The following ARHGEF19 variants were observed in gnomAD, a reference collection of about 807,000 sequenced individuals.
The protein encoded by ARHGEF19 is Rho guanine nucleotide exchange factor 19, also known as Rho guanine nucleotide exchange factor (GEF) 19.
Under a neutral mutation model 87.6 loss-of-function variants are expected in ARHGEF19, and 92 were observed. The observed-to-expected ratio is 1.05, with a 90% CI of 0.89 to 1.25. The LOEUF is 1.25. ARHGEF19 is among the 50% of genes most tolerant of loss of function. ARHGEF19 has a pLI of 0.00. For synonymous variants in ARHGEF19, 438 were observed against 446.2 expected (o/e 0.98, Z 0.23); for missense variants, 1,054 against 1,051.8 (o/e 1.00, Z -0.03).
At chr1:16,202,385 C>A in intron 13 of ARHGEF19, 31 bp downstream of exon 13, 2 of 1,572,158 alleles carry the variant, frequency 1.3e-6, no homozygotes, top group Non-Finnish European at 1.7e-6. Flanking sequence ...GGAGGGGGAG[C>A]CTCCTCTCTC....
In ARHGEF19 at chr1:16,205,348, C is replaced by T; in HGVS notation, c.1656+3G>A. ...CAAGCAGCCCCTGCCCTGCCCAGCT[C>T]ACCTCCTTGAGCGCATTGAAGGCCT... On this transcript the variant is annotated splice_donor_region_variant and intron_variant, in intron 10 of 15. Coordinates refer to ENST00000270747, the MANE Select transcript of ARHGEF19 (RefSeq NM_153213.5). This position sits in a 1 kb window ranked among gnomAD's most constrained non-coding sequence, Gnocchi z 5.8. The T allele has an allele frequency of 1.9e-6, 3 of 1,613,888 alleles. No individual in the cohort carries two copies. The highest frequency in any genetic ancestry group is 2.5e-6 in the Non-Finnish European group (3 of 1,179,872).
intron 12 of ARHGEF19, among the ~76,000 whole-genome samples, chr1:16,203,612 C>T (rs922779873): frequency 3.3e-5 from 5 of 152,220 alleles, no homozygotes; most frequent in African/African-American, 9.7e-5. Context: ...AACATCCCAA[C>T]TTCCCTCTGC....
rs2081169014 is a variant in ARHGEF19, at chr1:16,208,701, A to G, written c.354T>C (p.Ser118=). ...GGCGCTGTGGCTGTGTGTGTCGGGG[A>G]CTCCAGGGTCCCTCCAGAGCTGGGG... ...AQPPALEGPW[S]PRHTQPQRRA... is the part of the protein sequence containing the mutation. Residue 118 remains serine, a synonymous_variant, in exon 2 of 16, where the codon AGT becomes AGC. Transcript: ENST00000270747. 1 of 1,606,328 alleles carries G rather than the reference A, an allele frequency of 6.2e-7. No homozygotes were observed. The highest frequency in any genetic ancestry group is 1.7e-5 in the Admixed American group (1 of 57,970).
In ARHGEF19 at chr1:16,207,985, C is replaced by A. The variant is rs150124398; in HGVS notation, c.653G>T (p.Arg218Leu). Residue 218 changes from arginine (R) to leucine (L), a missense_variant, in exon 3 of 16, where the codon CGG becomes CTG. Transcript: ENST00000270747. The surrounding 1 kb of genome is among the most constrained non-coding windows in gnomAD (Gnocchi z 4.0). ...GGTGCCTGACCCAGAGATGAGTGCC[C>A]GGGCTGCTGAATTCCGCCCCAGGCG... Reference protein sequence around the residue: ...SLRLGRNSAARALISGSGTGA... With the variant: ...SLRLGRNSAALALISGSGTGA... The A allele has an allele frequency of 4.3e-6, 7 of 1,612,368 alleles. No individual in the cohort carries two copies. In the African/African-American group the frequency reaches 8.0e-5, roughly 18 times the overall value.
rs1327648670 is a variant in ARHGEF19, at chr1:16,198,258, C to G, written c.*329G>C. The G allele has an allele frequency of 4.2e-5, 9 of 215,176 alleles. No individual in the cohort carries two copies. Among genetic ancestry groups the G allele is most frequent in the Non-Finnish European group, 8.2e-5 (9 of 109,962 alleles). The allele number at this position is 215,176 out of a possible 1,614,324, so 13.3% of individuals were successfully genotyped here. On this transcript the variant is annotated 3_prime_UTR_variant, in exon 16 of 16. Coordinates refer to ENST00000270747, the MANE Select transcript of ARHGEF19 (RefSeq NM_153213.5). This position sits in a 1 kb window ranked among gnomAD's most constrained non-coding sequence, Gnocchi z 4.1. ...CACCAGAACGTTCCCCAGCCAGGTC[C>G]CTGCCAGAAGGACCAAGAGTCAGGC...
Position 16,206,391 on chromosome 1 carries a change from A to T in ARHGEF19, c.1138-51T>A, listed in dbSNP as rs2081135446. 8 of 1,551,520 alleles carry T rather than the reference A, an allele frequency of 5.2e-6. No homozygotes were observed. In the South Asian group the frequency reaches 9.5e-5, roughly 18 times the overall value. ...AAAGGGCAGGACCAGTTCACCTCGGAGGCCCTGGCCTCACATCCCCAGACC... is the reference window on the plus strand; with the variant it reads ...AAAGGGCAGGACCAGTTCACCTCGGTGGCCCTGGCCTCACATCCCCAGACC... On this transcript the variant is annotated intron_variant, in intron 6 of 15. Coordinates refer to ENST00000270747, the MANE Select transcript of ARHGEF19 (RefSeq NM_153213.5). This position sits in a 1 kb window ranked among gnomAD's most constrained non-coding sequence, Gnocchi z 4.6.
In ARHGEF19 at chr1:16,201,789, C is replaced by T. The variant is rs113595914; in HGVS notation, c.2139G>A (p.Glu713=). The change falls in exon 14 of 16, where the codon GAG becomes GAA. Residue 713 remains glutamate, a synonymous_variant. Transcript: ENST00000270747. The part of the protein sequence containing the change: ...SPQEDKEVIS[E]GEDCPQVQCV... Reference sequence around the variant, plus strand: ...GCAGGGATGAGCTACTACCTTCCCCCTCACTGATGACCTCCTTGTCCTCCT... The same window carrying T: ...GCAGGGATGAGCTACTACCTTCCCCTTCACTGATGACCTCCTTGTCCTCCT... The T allele has an allele frequency of 1.9e-6, 3 of 1,613,598 alleles. No homozygotes were observed. Among genetic ancestry groups the T allele is most frequent in the East Asian group, 2.2e-5 (1 of 44,886 alleles).
In ARHGEF19 at chr1:16,207,733, C is replaced by G; in HGVS notation, c.739G>C (p.Asp247His). Residue 247 changes from aspartate (D) to histidine (H), a missense_variant, in exon 4 of 16, where the codon GAC (aspartate) becomes CAC (histidine). By Grantham distance (81) the Asp-to-His change is moderately conservative. Coordinates refer to ENST00000270747, the MANE Select transcript of ARHGEF19 (RefSeq NM_153213.5). The surrounding 1 kb of genome is among the most constrained non-coding windows in gnomAD (Gnocchi z 4.0). ...CCAGGGGCTGGCCGCGACACCCGGT[C>G]CCCGCTCATCTCTACACTTCGAGCC... ...MEARSVEMSG[D>H]RVSRPAPGDS... is the part of the protein sequence containing the mutation. The G allele has an allele frequency of 6.2e-7, 1 of 1,614,012 alleles. No individual in the cohort carries two copies. The highest frequency in any genetic ancestry group is 8.5e-7 in the Non-Finnish European group (1 of 1,180,028).
chr1:16,200,503 G>A (rs777922566), intron 14 of ARHGEF19, among the ~76,000 whole-genome samples: 2 of 152,188 alleles, frequency 1.3e-5, no homozygotes, highest in Non-Finnish European at 2.9e-5. Flanking sequence ...AGCACTTTGG[G>A]AGGCTGAGGC....
chr1:16,202,369 T>A (rs2081090761), intron 13 of ARHGEF19, 47 bp downstream of exon 13: 1 of 1,548,746 alleles, frequency 6.5e-7, no homozygotes, highest in African/African-American at 1.4e-5. Context: ...GGGGTGCCTG[T>A]CATGGGGAGG....
chr1:16,199,527 T>C (rs1389973691), intron 14 of ARHGEF19, among the ~76,000 whole-genome samples: 1 of 151,930 alleles, frequency 6.6e-6, no homozygotes, highest in Admixed American at 6.6e-5. Context: ...CCAAGGGCTG[T>C]CCCCTCCCCA....
At chr1:16,200,638 G>A (rs1193883364) in intron 14 of ARHGEF19, among the ~76,000 whole-genome samples, 2 of 152,208 alleles carry the variant, frequency 1.3e-5, no homozygotes, top group African/African-American at 4.8e-5. Flanking sequence ...CAGCTACTTG[G>A]GAGGCTGAGG....
Position 16,206,353 on chromosome 1 carries a change from A to T in ARHGEF19, c.1138-13T>A, listed in dbSNP as rs221051. The T allele has an allele frequency of 1.2e-3, 1,849 of 1,570,866 alleles. 21 individuals carry two copies. The African/African-American group carries it at 0.022, about 19-fold the overall frequency. On this transcript the variant is annotated splice_polypyrimidine_tract_variant and intron_variant, in intron 6 of 15. Coordinates refer to ENST00000270747, the MANE Select transcript of ARHGEF19 (RefSeq NM_153213.5). The surrounding 1 kb of genome is among the most constrained non-coding windows in gnomAD (Gnocchi z 4.6). Reference sequence around the variant, plus strand: ...GCTCAAACTTGGCCTGAGGGAGGGCACACACGGGGTCGAAAGGGCAGGACC... The same window carrying T: ...GCTCAAACTTGGCCTGAGGGAGGGCTCACACGGGGTCGAAAGGGCAGGACC...
intron 2 of ARHGEF19, 40 bp from the exon 3 acceptor site, chr1:16,208,265 C>G: frequency 1.3e-6 from 2 of 1,585,364 alleles, no homozygotes; most frequent in South Asian, 1.1e-5. Context: ...GGGCTGGGGT[C>G]TCCCCCAACC....
rs143314517 is a variant in ARHGEF19, at chr1:16,208,992, G to A, written c.63C>T (p.His21=). ...PHLTGPPGTA[H]HPVAVCQQES... ...CCTGCTGGCACACTGCTACAGGGTG[G>A]TGGGCAGTGCCAGGTGGCCCAGTCA... The change falls in exon 2 of 16, where the codon CAC becomes CAT. Residue 21 remains histidine (H), a synonymous_variant. Coordinates refer to ENST00000270747, the MANE Select transcript of ARHGEF19 (RefSeq NM_153213.5). 4 of 1,523,778 alleles carry A rather than the reference G, an allele frequency of 2.6e-6. No homozygotes were observed. The highest frequency in any genetic ancestry group is 3.5e-6 in the Non-Finnish European group (4 of 1,137,078). 94.4% of individuals were successfully genotyped at this position (1,523,778 alleles called of 1,614,324 possible). A position where few individuals can be genotyped will look rare whatever the true frequency, so the allele number is the denominator to read the frequency against.
chr1:16,206,848 T>G lies in ARHGEF19; in HGVS notation c.1137+100A>C, dbSNP rs2081141732. On this transcript the variant is annotated intron_variant, in intron 6 of 15. Coordinates refer to ENST00000270747, the MANE Select transcript of ARHGEF19 (RefSeq NM_153213.5). This position sits in a 1 kb window ranked among gnomAD's most constrained non-coding sequence, Gnocchi z 4.6. Reference sequence around the variant, plus strand: ...CGGACAGTCGCGCCAGCAACCCCCTTTGTGTGTCCCCCTCCCTCTATGGCC... The same window carrying G: ...CGGACAGTCGCGCCAGCAACCCCCTGTGTGTGTCCCCCTCCCTCTATGGCC... The G allele has an allele frequency of 4.7e-5, 61 of 1,299,210 alleles. No homozygotes were observed. The highest frequency in any genetic ancestry group is 5.4e-5 in the Non-Finnish European group (54 of 1,005,788). The allele number at this position is 1,299,210 out of a possible 1,614,324, so 80.5% of individuals were successfully genotyped here.
At chr1:16,200,734 ACT>A (rs762096941) in intron 14 of ARHGEF19, among the ~76,000 whole-genome samples, 3 of 144,332 alleles carry the variant, frequency 2.1e-5, no homozygotes, top group African/African-American at 5.2e-5. Context: ...GCAGGGTGAG[ACT>A]CTGTCTCAAA....
In ARHGEF19 at chr1:16,199,150, C is replaced by T. The variant is rs776756182; in HGVS notation, c.2251G>A (p.Gly751Ser). The T allele has an allele frequency of 1.9e-5, 31 of 1,613,782 alleles. No homozygotes were observed. The highest frequency in any genetic ancestry group is 6.7e-5 in the Admixed American group (4 of 59,974). ...ACACTTTCCCAGGAGGCCCCCTCAC[C>T]GTCACTGGTCCAGGTCCTCACTGAC... is the stretch of plus-strand genomic sequence containing the variant. The part of the protein sequence containing the change: ...ILSVRTWTSD[G>S]WLEGVRLADG... Residue 751 changes from glycine (G) to serine (S), a missense_variant and splice_region_variant, in exon 15 of 16, where the codon GGC (glycine) becomes AGC (serine). Coordinates refer to ENST00000270747, the MANE Select transcript of ARHGEF19 (RefSeq NM_153213.5).
chr1:16,205,721 C>T lies in ARHGEF19; in HGVS notation c.1452-54G>A. 6.4e-7 allele frequency: 1 copy of T among 1,553,694 alleles called. No homozygotes were observed. The highest frequency in any genetic ancestry group is 8.7e-7 in the Non-Finnish European group (1 of 1,151,044). On this transcript the variant is annotated intron_variant, in intron 8 of 15. Transcript: ENST00000270747. The surrounding 1 kb of genome is among the most constrained non-coding windows in gnomAD (Gnocchi z 5.8). The stretch of plus-strand genomic sequence containing the variant: ...CAGGTAGGCCTGAATTCCTGGGATC[C>T]ACAACCCTGGCCATCCACGGGGTCC...
Sources: gnomAD v4.1 joint callset for allele counts (sites outside exome capture counted in the v4.1 genomes callset) on GRCh38, gnomAD v4.1.1 for gene constraint, Gnocchi (gnomAD v3.1) non-coding constraint, MANE v1.5 for transcripts, NCBI Gene and HGNC (gene_info 2026-07-23, HGNC 2026-07-21) for gene names.